TMCC1: variants seen among roughly 807,000 people sequenced by gnomAD.
The protein encoded by TMCC1 is transmembrane and coiled-coil domain family 1.
In TMCC1, 15 loss-of-function variants were observed where a neutral mutation model predicts 52.4. That is an observed-to-expected ratio of 0.29 (90% confidence interval 0.19 to 0.44). The LOEUF is 0.44. TMCC1 is among the 20% of genes least tolerant of loss of function. The pLI is 1.00. For missense variants in TMCC1, 503 were observed against 806.0 expected (o/e 0.62, Z 4.55); for synonymous variants, 279 against 301.9 (o/e 0.92, Z 0.79).
At position 129,893,678 on chromosome 3, in the gene TMCC1, A is replaced by G; in HGVS notation, c.-619T>C. 1 of 145,430 alleles carries G rather than the reference A, an allele frequency of 6.9e-6. No homozygotes were observed. The highest frequency in any genetic ancestry group is 1.5e-5 in the Non-Finnish European group (1 of 65,832). 9.0% of individuals were successfully genotyped at this position (145,430 alleles called of 1,614,324 possible). ...TCACCGCCACCGCCGCCGCCGCCTC[A>G]GCCCCGGCGCGGGAGGGCGAACCGG... is the stretch of plus-strand genomic sequence containing the variant. On this transcript the variant is annotated 5_prime_UTR_variant, in exon 1 of 7. Transcript: ENST00000393238.
intron 3 of TMCC1, among the ~76,000 whole-genome samples, chr3:129,830,490 C>G (rs906952762): frequency 6.6e-6 from 1 of 152,100 alleles, no homozygotes; most frequent in Non-Finnish European, 1.5e-5. Flanking sequence ...CTAATGTAAC[C>G]AAAATAATCC....
chr3:129,823,064 G>T (rs1280995928), intron 4 of TMCC1, among the ~76,000 whole-genome samples: 2 of 152,150 alleles, frequency 1.3e-5, no homozygotes, highest in Non-Finnish European at 2.9e-5. Context: ...AGTGGCTCAG[G>T]CCTGTAATCT....
intron 2 of TMCC1, among the ~76,000 whole-genome samples, chr3:129,870,718 CGGGGGGGGGG>C (rs56383150): frequency 0.068 from 945 of 13,900 alleles, 161 homozygotes; most frequent in African/African-American, 0.11. Flanking sequence ...CGCGGGTTGG[CGGGGGGGGGG>C]GGGGGGGGGC....
At chr3:129,874,197 A>C (rs569095007) in intron 2 of TMCC1, among the ~76,000 whole-genome samples, 1 of 152,246 alleles carries the variant, frequency 6.6e-6, no homozygotes, top group Non-Finnish European at 1.5e-5. Flanking sequence ...GTTTGAAATA[A>C]AAATGTTAAA....
chr3:129,794,272 C>T (rs969438959), intron 4 of TMCC1: 1 of 455,934 alleles, frequency 2.2e-6, no homozygotes, highest in African/African-American at 2.0e-5. Flanking sequence ...AGGAACCATG[C>T]TGAAGCAAGT....
rs538820719 is a variant in TMCC1 at position 129,863,064 on chromosome 3, G to C, written c.-184+17245C>G. 5.9e-5 allele frequency among the ~76,000 whole-genome samples: 9 copies of C among 152,234 alleles called. No homozygotes were observed. The South Asian group carries it at 1.9e-3, about 32-fold the overall frequency. The stretch of plus-strand genomic sequence containing the variant: ...TTGTCTTCTCCATATGAATAATAAA[G>C]CACTCAAAGTGTTCAAAAAGAAGAT... On this transcript the variant is annotated intron_variant, in intron 2 of 6. Coordinates refer to ENST00000393238, the MANE Select transcript of TMCC1 (RefSeq NM_001017395.5).
intron 5 of TMCC1, 42 bp downstream of exon 5, chr3:129,670,288 C>T: frequency 6.3e-7 from 1 of 1,574,980 alleles, no homozygotes. Context: ...GGGAGGGGAA[C>T]CCTACACAAA....
At chr3:129,815,247 G>GA (rs1252586177) in intron 4 of TMCC1, among the ~76,000 whole-genome samples, 1 of 151,926 alleles carries the variant, frequency 6.6e-6, no homozygotes, top group Non-Finnish European at 1.5e-5. Context: ...ACAGCAACAG[G>GA]AAAAACTCTT....
chr3:129,740,650 G>A (rs957978624), intron 4 of TMCC1, among the ~76,000 whole-genome samples: 5 of 152,068 alleles, frequency 3.3e-5, no homozygotes, highest in African/African-American at 4.8e-5. Flanking sequence ...GCCCTTTATC[G>A]GTGGGGTGAG....
chr3:129,757,982 G>A (rs7635365), intron 4 of TMCC1, among the ~76,000 whole-genome samples: 7,525 of 152,174 alleles, frequency 0.049, 690 homozygotes, highest in East Asian at 0.4. Context: ...ACCATGCAAT[G>A]GGGATCTCTG....
chr3:129,740,362 A>G (rs1323485404), intron 4 of TMCC1, among the ~76,000 whole-genome samples: 1 of 152,200 alleles, frequency 6.6e-6, no homozygotes, highest in East Asian at 1.9e-4. Context: ...AAGCATGTCC[A>G]CTGCTTGATA....
chr3:129,780,302 A>G (rs1211397086), intron 4 of TMCC1, among the ~76,000 whole-genome samples: 1 of 152,134 alleles, frequency 6.6e-6, no homozygotes, highest in Non-Finnish European at 1.5e-5. Context: ...CCTTATTTGT[A>G]AAGTGAACAG....
At chr3:129,873,983 G>C (rs2061061378) in intron 2 of TMCC1, among the ~76,000 whole-genome samples, 1 of 152,108 alleles carries the variant, frequency 6.6e-6, no homozygotes, top group African/African-American at 2.4e-5. Flanking sequence ...TTGAACAGTA[G>C]ACCTCTATTT....
chr3:129,883,396 T>G (rs1328713898), intron 1 of TMCC1, among the ~76,000 whole-genome samples: 1 of 152,160 alleles, frequency 6.6e-6, no homozygotes, highest in Non-Finnish European at 1.5e-5. Flanking sequence ...GAGGATTATT[T>G]GACCCCAGGA....
intron 5 of TMCC1, among the ~76,000 whole-genome samples, chr3:129,657,336 A>C (rs550329834): frequency 3.9e-5 from 6 of 152,352 alleles, no homozygotes; most frequent in African/African-American, 1.4e-4. Context: ...AATAGCAGCC[A>C]CAGCAACAGT....
At chr3:129,669,942 T>C (rs556827436) in intron 5 of TMCC1, among the ~76,000 whole-genome samples, 24 of 152,222 alleles carry the variant, frequency 1.6e-4, no homozygotes, top group Non-Finnish European at 2.8e-4. Flanking sequence ...TGCCCAGATA[T>C]GTGTGTTTAA....
At chr3:129,724,532 T>G (rs2049920961) in intron 4 of TMCC1, among the ~76,000 whole-genome samples, 1 of 152,206 alleles carries the variant, frequency 6.6e-6, no homozygotes. Flanking sequence ...TGGAAATACA[T>G]TTTTGGTAAT....
intron 4 of TMCC1, among the ~76,000 whole-genome samples, chr3:129,790,353 G>T (rs547298695): frequency 5.9e-5 from 9 of 152,104 alleles, no homozygotes; most frequent in African/African-American, 2.2e-4. Context: ...ATTTGTTTAC[G>T]TATGTACAAA....
At chr3:129,682,504 C>A (rs1346052693) in intron 4 of TMCC1, among the ~76,000 whole-genome samples, 1 of 152,102 alleles carries the variant, frequency 6.6e-6, no homozygotes, top group African/African-American at 2.4e-5. Flanking sequence ...CCTTAAAAAG[C>A]TCAGTCCCCT....
Sources: allele counts gnomAD v4.1 joint callset (sites outside exome capture counted in the v4.1 genomes callset), GRCh38; gene constraint gnomAD v4.1.1; transcripts MANE v1.5; gene names NCBI Gene and HGNC (gene_info 2026-07-23, HGNC 2026-07-21).